Variants in PCDHA1 observed in about 807,000 individuals in gnomAD.
PCDHA1 encodes protocadherin alpha-1.
In PCDHA1, 42 loss-of-function variants were observed where a neutral mutation model predicts 61.3. That is an observed-to-expected ratio of 0.69 (90% CI 0.54 to 0.89). The LOEUF (loss-of-function observed/expected upper bound fraction) is 0.89, where lower values mean the gene tolerates loss of function less well. Among genes scored for constraint, PCDHA1 ranks in the 40% least tolerant of loss-of-function variants. PCDHA1 has a pLI of 0.00. For missense variants in PCDHA1, 1,256 were observed against 1,235.3 expected, an observed-to-expected ratio of 1.02 and a Z score of -0.25; for synonymous variants, 610 against 553.8, an observed-to-expected ratio of 1.10 and a Z score of -1.43.
chr5:140,823,337 C>G, intron 1 of PCDHA1: 1 of 1,612,260 alleles, frequency 6.2e-7, no homozygotes, highest in Admixed American at 1.7e-5. Flanking sequence ...GCGCTGCAGC[C>G]GCTGGACCAC....
chr5:140,836,991 C>G (rs1167342792), intron 1 of PCDHA1: 5 of 347,512 alleles, frequency 1.4e-5, no homozygotes, highest in African/African-American at 8.6e-5. Context: ...GAGGACTTTG[C>G]TAACTGGAGC....
At chr5:140,967,758 A>G (rs781815948) in intron 1 of PCDHA1, 8 of 1,614,162 alleles carry the variant, frequency 5.0e-6, no homozygotes, top group Non-Finnish European at 5.9e-6. Context: ...GCCTCCTCCT[A>G]CCAGATCTAT....
chr5:140,881,099 C>G (rs1554171750), intron 1 of PCDHA1, among the ~76,000 whole-genome samples: 1 of 152,108 alleles, frequency 6.6e-6, no homozygotes, highest in East Asian at 1.9e-4. Flanking sequence ...TTCATTACAC[C>G]ATTTGGCCTG....
At chr5:140,942,601 GT>G (rs1453167051) in intron 1 of PCDHA1, among the ~76,000 whole-genome samples, 1 of 130,480 alleles carries the variant, frequency 7.7e-6, no homozygotes, top group Non-Finnish European at 1.6e-5. Flanking sequence ...TAATTATAGT[GT>G]TTATATTTGC....
chr5:140,837,864 A>G (rs1279625431), intron 1 of PCDHA1, among the ~76,000 whole-genome samples: 2 of 151,530 alleles, frequency 1.3e-5, no homozygotes, highest in East Asian at 1.9e-4. Flanking sequence ...ATTTTTGTAG[A>G]GACAGGGTGG....
At chr5:140,893,634 T>C (rs2064095604) in intron 1 of PCDHA1, among the ~76,000 whole-genome samples, 1 of 152,236 alleles carries the variant, frequency 6.6e-6, no homozygotes, top group Admixed American at 6.5e-5. Flanking sequence ...CTGCTTGGTA[T>C]AGTATTTTTG....
At chr5:140,876,531 T>G in intron 1 of PCDHA1, 1 of 1,614,200 alleles carries the variant, frequency 6.2e-7, no homozygotes, top group South Asian at 1.1e-5. Flanking sequence ...TAATGGTTAC[T>G]TCACTGTCGC....
At chr5:140,897,900 A>G (rs1173970358) in intron 1 of PCDHA1, among the ~76,000 whole-genome samples, 5 of 152,140 alleles carry the variant, frequency 3.3e-5, no homozygotes, top group Non-Finnish European at 5.9e-5. Context: ...GTGAGATGGT[A>G]TCTCATTGTG....
At position 140,858,441 on chromosome 5, in the gene PCDHA1, G is replaced by C. The variant is rs782468673; in HGVS notation, c.2394+69757G>C. 13 of 1,537,092 alleles carry C rather than the reference G, an allele frequency of 8.5e-6. 2 individuals carry two copies. The South Asian group carries it at 1.2e-4, about 14-fold the overall frequency. ...GGAGGGGACCACTCTAGGAAGGTGG[G>C]TTATTACGTTTTCATTTTCCTTTTG... is the stretch of plus-strand genomic sequence containing the variant. On this transcript the variant is annotated intron_variant, in intron 1 of 3. Coordinates refer to ENST00000504120, the MANE Select transcript of PCDHA1 (RefSeq NM_018900.4).
At chr5:140,892,894 TC>T (rs1198816126) in intron 1 of PCDHA1, among the ~76,000 whole-genome samples, 8 of 152,158 alleles carry the variant, frequency 5.3e-5, no homozygotes, top group Non-Finnish European at 7.4e-5. Context: ...AACCAACCTT[TC>T]CCCATCCTCC....
At chr5:140,969,178 C>G (rs2096303822) in intron 1 of PCDHA1, 1 of 1,613,978 alleles carries the variant, frequency 6.2e-7, no homozygotes, top group South Asian at 1.1e-5. Flanking sequence ...CAGGGAGTGA[C>G]ACTTTCATGT....
chr5:140,842,791 G>C (rs1554139385), intron 1 of PCDHA1: 1 of 1,594,368 alleles, frequency 6.3e-7, no homozygotes, highest in Non-Finnish European at 8.6e-7. Context: ...ACGCGCTGGT[G>C]TCCTACTCGC....
chr5:140,928,854 G>A (rs2085594573), intron 1 of PCDHA1: 1 of 1,614,178 alleles, frequency 6.2e-7, no homozygotes, highest in Non-Finnish European at 8.5e-7. Context: ...CTCTGGGTGT[G>A]CTGTTGAGCA....
intron 1 of PCDHA1, among the ~76,000 whole-genome samples, chr5:140,798,585 T>G (rs1004922630): frequency 1.9e-4 from 29 of 152,224 alleles, no homozygotes; most frequent in African/African-American, 6.8e-4. Context: ...GATTGACTAC[T>G]TTTTTCTGGC....
chr5:140,859,656 C>A (rs2045955130), intron 1 of PCDHA1: 1 of 155,362 alleles, frequency 6.4e-6, no homozygotes, highest in Admixed American at 6.4e-5. Context: ...TCAGTACGTG[C>A]TTCACAAATA....
intron 1 of PCDHA1, chr5:140,810,414 A>G (rs782181134): frequency 3.9e-5 from 6 of 152,014 alleles, no homozygotes; most frequent in Admixed American, 3.9e-4. Flanking sequence ...ACACCAACCA[A>G]TTTTCCAAGA....
At chr5:140,864,869 A>G (rs2048638117) in intron 1 of PCDHA1, 1 of 152,160 alleles carries the variant, frequency 6.6e-6, no homozygotes, top group South Asian at 2.1e-4. Context: ...GGGTGATACC[A>G]TTGTCTGTGT....
At chr5:140,986,052 C>A (rs896963006) in intron 3 of PCDHA1, among the ~76,000 whole-genome samples, 3 of 152,066 alleles carry the variant, frequency 2.0e-5, no homozygotes, top group Admixed American at 1.3e-4. Flanking sequence ...CTGATGAATT[C>A]TTTTGCTTTT....
In PCDHA1 at chr5:140,968,789, G is replaced by A. The variant is rs782339889; in HGVS notation, c.2395-10160G>A. 16 of 1,614,060 alleles carry A rather than the reference G, an allele frequency of 9.9e-6. No individual in the cohort carries two copies. In the African/African-American group the frequency reaches 1.7e-4, roughly 18 times the overall value. On this transcript the variant is annotated intron_variant, in intron 1 of 3. Transcript: ENST00000504120. The stretch of plus-strand genomic sequence containing the variant: ...AGAGCCATCACTATCAGCCTCTGTG[G>A]CCATTACAGTAGCTGTGGTGGATAG...
Sources: gnomAD v4.1 joint callset for allele counts (sites outside exome capture counted in the v4.1 genomes callset) on GRCh38, gnomAD v4.1.1 for gene constraint, MANE v1.5 for transcripts, NCBI Gene and HGNC (gene_info 2026-07-23, HGNC 2026-07-21) for gene names.